GPM6B: variants seen among roughly 807,000 people sequenced by gnomAD.
GPM6B encodes the protein glycoprotein M6B, also known as neuronal membrane glycoprotein M6-b.
GPM6B carries 4 observed loss-of-function variants against 27.2 expected under a neutral mutation model. That is an observed-to-expected ratio of 0.15 (90% CI 0.07 to 0.34). The LOEUF is 0.34. Ranked by LOEUF, GPM6B falls within the 10% of genes least tolerant of loss-of-function variation. The pLI is 1.00. For synonymous variants in GPM6B, 124 were observed against 103.1 expected (o/e 1.20, Z -1.23); for missense variants, 183 against 261.9 (o/e 0.70, Z 2.08).
At chrX:13,924,031 C>T (rs1921050576) in intron 1 of GPM6B, among the ~76,000 whole-genome samples, 1 of 112,149 alleles carries the variant, frequency 8.9e-6, no homozygotes, top group Admixed American at 9.5e-5. Context: ...GTAACGTTTT[C>T]CACATGGGAT....
At chrX:13,858,553 A>T (rs765683574) in intron 1 of GPM6B, among the ~76,000 whole-genome samples, 1 of 111,759 alleles carries the variant, frequency 8.9e-6, no homozygotes, top group African/African-American at 3.3e-5. Flanking sequence ...GAGAACTGGG[A>T]ACACTCTGCA....
At chrX:13,847,307 C>T (rs1336109870) in intron 1 of GPM6B, among the ~76,000 whole-genome samples, 2 of 111,674 alleles carry the variant, frequency 1.8e-5, no homozygotes, top group Admixed American at 1.9e-4. Flanking sequence ...TATTTAGAGA[C>T]CAAATTTCAA....
intron 1 of GPM6B, among the ~76,000 whole-genome samples, chrX:13,850,357 G>A (rs953281055): frequency 2.7e-5 from 3 of 112,302 alleles, no homozygotes; most frequent in Admixed American, 9.4e-5. Context: ...TCTGCCATGA[G>A]TGGAAGCTTC....
chrX:13,817,976 T>A (rs1383774563), upstream of GPM6B, among the ~76,000 whole-genome samples: 1 of 112,275 alleles, frequency 8.9e-6, no homozygotes, highest in African/African-American at 3.2e-5. Context: ...CTCATTAGAA[T>A]TCCTCACTCC....
At chrX:13,822,525 C>T (rs374907496) in intron 1 of GPM6B, among the ~76,000 whole-genome samples, 9 of 109,551 alleles carry the variant, frequency 8.2e-5, no homozygotes, top group African/African-American at 3.0e-4. Context: ...GGCCACCACG[C>T]CCAGCTAATT....
At chrX:13,845,203 T>C (rs2082480571) in intron 1 of GPM6B, among the ~76,000 whole-genome samples, 1 of 110,877 alleles carries the variant, frequency 9.0e-6, no homozygotes, top group Admixed American at 9.5e-5. Flanking sequence ...TTGGCCACGC[T>C]GGTCTCAAAC....
At chrX:13,865,542 C>CAAAAAAAAAAAAAAAAAAAAAAAA (rs1171503867) in intron 1 of GPM6B, among the ~76,000 whole-genome samples, 11 of 14,616 alleles carry the variant, frequency 7.5e-4, no homozygotes, top group Non-Finnish European at 9.6e-4. Flanking sequence ...TCCATCTCTT[C>CAAAAAAAAAAAAAAAAAAAAAAAA]AAAAAAAAAA....
chrX:13,916,892 A>G (rs1015034600), intron 1 of GPM6B, among the ~76,000 whole-genome samples: 11 of 111,262 alleles, frequency 9.9e-5, no homozygotes, highest in African/African-American at 3.6e-4. Context: ...ACCAAAGTAC[A>G]ATTCATCACT....
chrX:13,781,983 C>T (rs2048524343), intron 4 of GPM6B, among the ~76,000 whole-genome samples: 1 of 111,896 alleles, frequency 8.9e-6, no homozygotes, highest in Non-Finnish European at 1.9e-5. Context: ...AGATCTCATC[C>T]ACCTTCTCCA....
chrX:13,810,616 C>T (rs1476066740), intron 1 of GPM6B, among the ~76,000 whole-genome samples: 1 of 110,435 alleles, frequency 9.1e-6, no homozygotes, highest in African/African-American at 3.3e-5. Flanking sequence ...TGGGGTAAGT[C>T]TCCAGATGTT....
chrX:13,809,873 G>A (rs1195854500), intron 1 of GPM6B, among the ~76,000 whole-genome samples: 1 of 94,268 alleles, frequency 1.1e-5, no homozygotes, highest in African/African-American at 4.1e-5. Context: ...GGAGATGGAG[G>A]TTGCAGTGAG....
At chrX:13,913,738 A>G (rs888409952) in intron 1 of GPM6B, among the ~76,000 whole-genome samples, 3 of 111,007 alleles carry the variant, frequency 2.7e-5, no homozygotes, top group African/African-American at 9.8e-5. Flanking sequence ...ACTATGTGAA[A>G]AACTCTCCCT....
chrX:13,921,577 C>CA (rs1920975072), intron 1 of GPM6B, among the ~76,000 whole-genome samples: 1 of 59,883 alleles, frequency 1.7e-5, no homozygotes, highest in African/African-American at 6.5e-5. Flanking sequence ...TTATAACCCC[C>CA]CCCCTTTTTT....
At chrX:13,873,153 ATTT>A (rs5901521) in intron 1 of GPM6B, among the ~76,000 whole-genome samples, 2 of 102,915 alleles carry the variant, frequency 1.9e-5, no homozygotes, top group Non-Finnish European at 2.0e-5. Flanking sequence ...AGCGTAAGGA[ATTT>A]TTTTTTTTTT....
intron 1 of GPM6B, among the ~76,000 whole-genome samples, chrX:13,868,677 T>C (rs1367146448): frequency 2.7e-5 from 3 of 112,476 alleles, no homozygotes; most frequent in Non-Finnish European, 5.6e-5. Context: ...CAGAATAAAA[T>C]GTATGCTGTT....
At chrX:13,813,744 G>C (rs2049182110) in intron 1 of GPM6B, among the ~76,000 whole-genome samples, 1 of 111,601 alleles carries the variant, frequency 9.0e-6, no homozygotes, top group Non-Finnish European at 1.9e-5. Flanking sequence ...TTATTATTGG[G>C]TTCCATGATC....
intron 1 of GPM6B, 37 bp from the exon 2 acceptor site, chrX:13,807,806 T>C (rs2049050998): frequency 3.5e-6 from 4 of 1,140,421 alleles, no homozygotes; most frequent in South Asian, 4.3e-5. Context: ...AGTGTCTCTA[T>C]CTCCAGCAAA....
At chrX:13,858,520 C>A (rs764704742) in intron 1 of GPM6B, among the ~76,000 whole-genome samples, 1 of 111,587 alleles carries the variant, frequency 9.0e-6, no homozygotes, top group Admixed American at 9.5e-5. Flanking sequence ...GGGTAAGAAC[C>A]AGTACACACA....
chrX:13,797,906 C>T (rs758265942), intron 2 of GPM6B, among the ~76,000 whole-genome samples: 34 of 111,525 alleles, frequency 3.0e-4, no homozygotes, highest in Non-Finnish European at 5.5e-4. Context: ...TATGTGAACA[C>T]ATCTTCACAA....
Sources: gnomAD v4.1 joint callset for allele counts (sites outside exome capture counted in the v4.1 genomes callset) on GRCh38, gnomAD v4.1.1 for gene constraint, MANE v1.5 for transcripts, NCBI Gene and HGNC (gene_info 2026-07-23, HGNC 2026-07-21) for gene names.